ADGRB3: variants seen among roughly 807,000 people sequenced by gnomAD.
ADGRB3 encodes the protein brain-specific angiogenesis inhibitor 3.
In ADGRB3, 37 loss-of-function variants were observed where a neutral mutation model predicts 193.4. The observed-to-expected ratio is 0.19, with a 90% CI of 0.15 to 0.25. ADGRB3 has a LOEUF of 0.25. ADGRB3 is among the 10% of genes least tolerant of loss of function. The pLI, the probability that ADGRB3 is intolerant of heterozygous loss-of-function variation, is 1.00. For synonymous variants in ADGRB3, 690 were observed against 644.2 expected (o/e 1.07, Z -1.08); for missense variants, 1,637 against 1,852.9 (o/e 0.88, Z 2.14).
chr6:68,709,084 T>A (rs2127314937), intron 3 of ADGRB3, among the ~76,000 whole-genome samples: 1 of 152,348 alleles, frequency 6.6e-6, no homozygotes, highest in South Asian at 2.1e-4. Context: ...AACCTTTTAC[T>A]GCATTAACTG....
At chr6:69,063,390 G>A (rs902191954) in intron 16 of ADGRB3, among the ~76,000 whole-genome samples, 1 of 151,954 alleles carries the variant, frequency 6.6e-6, no homozygotes, top group South Asian at 2.1e-4. Flanking sequence ...GAGAAGATGA[G>A]GTGAGTAAAA....
intron 20 of ADGRB3, among the ~76,000 whole-genome samples, chr6:69,322,232 T>C (rs1211443301): frequency 6.6e-6 from 1 of 152,030 alleles, no homozygotes; most frequent in African/African-American, 2.4e-5. Context: ...ATGTACCATA[T>C]TTTCTTTATT....
chr6:68,877,798 T>C (rs1765633517), intron 3 of ADGRB3, among the ~76,000 whole-genome samples: 1 of 152,146 alleles, frequency 6.6e-6, no homozygotes, highest in African/African-American at 2.4e-5. Context: ...TCTTAGTTGC[T>C]AACTAGAATA....
chr6:69,276,484 A>G (rs1767305527), intron 20 of ADGRB3, among the ~76,000 whole-genome samples: 1 of 152,220 alleles, frequency 6.6e-6, no homozygotes, highest in African/African-American at 2.4e-5. Flanking sequence ...GGGAGGAAGG[A>G]AATCCCTGCA....
chr6:69,238,531 TAAAG>T (rs754903946), intron 19 of ADGRB3, among the ~76,000 whole-genome samples: 5 of 152,052 alleles, frequency 3.3e-5, no homozygotes, highest in Non-Finnish European at 5.9e-5. Context: ...TTTTTAGAAA[TAAAG>T]ATTCATTTTT....
At chr6:69,272,345 G>A (rs1397153413) in intron 20 of ADGRB3, among the ~76,000 whole-genome samples, 1 of 152,162 alleles carries the variant, frequency 6.6e-6, no homozygotes, top group Non-Finnish European at 1.5e-5. Flanking sequence ...CAGTGTCGTG[G>A]TTATTGTCCA....
chr6:68,723,211 A>G (rs1410769970), intron 3 of ADGRB3, among the ~76,000 whole-genome samples: 2 of 151,728 alleles, frequency 1.3e-5, no homozygotes, highest in Admixed American at 1.3e-4. Context: ...TGCCACATGG[A>G]GTCAGTTCTT....
chr6:68,657,675 A>G (rs1172521932), intron 3 of ADGRB3, among the ~76,000 whole-genome samples: 1 of 151,428 alleles, frequency 6.6e-6, no homozygotes, highest in Non-Finnish European at 1.5e-5. Flanking sequence ...TCAACTTGTA[A>G]AGGGTTTTAT....
intron 22 of ADGRB3, 148 bp from the exon 23 acceptor site, chr6:69,330,358 T>G (rs544962625): frequency 2.1e-6 from 1 of 468,066 alleles, no homozygotes; most frequent in Non-Finnish European, 3.7e-6. Flanking sequence ...AGTTTTTTTC[T>G]ACATCTTCTA....
intron 3 of ADGRB3, among the ~76,000 whole-genome samples, chr6:68,854,127 C>G (rs1764884271): frequency 6.6e-6 from 1 of 152,144 alleles, no homozygotes; most frequent in African/African-American, 2.4e-5. Flanking sequence ...ATCAAAGGCT[C>G]TATGTGCACA....
intron 3 of ADGRB3, among the ~76,000 whole-genome samples, chr6:68,639,761 A>G (rs1239896596): frequency 6.6e-6 from 1 of 152,064 alleles, no homozygotes; most frequent in Non-Finnish European, 1.5e-5. Context: ...GCAGCCCCTC[A>G]TGGTGACACA....
At chr6:69,006,380 GA>G (rs905280906) in intron 11 of ADGRB3, among the ~76,000 whole-genome samples, 3 of 151,366 alleles carry the variant, frequency 2.0e-5, no homozygotes, top group African/African-American at 7.3e-5. Flanking sequence ...GTTTTTAATG[GA>G]AAAAAAACCC....
chr6:68,951,210 A>G (rs1435963615), intron 6 of ADGRB3, among the ~76,000 whole-genome samples: 1 of 152,208 alleles, frequency 6.6e-6, no homozygotes, highest in African/African-American at 2.4e-5. Flanking sequence ...TTTATTTTAC[A>G]GTCCTCAGCC....
intron 3 of ADGRB3, among the ~76,000 whole-genome samples, chr6:68,916,883 TAA>T (rs1562085069): frequency 6.6e-6 from 1 of 152,154 alleles, no homozygotes; most frequent in Non-Finnish European, 1.5e-5. Flanking sequence ...CGAGACAGGG[TAA>T]AGAGTTTGGA....
At position 69,276,303 on chromosome 6, in the gene ADGRB3, T is replaced by C. The variant is rs568269813; in HGVS notation, c.2814+37077T>C. Among the ~76,000 whole-genome samples the C allele has an allele frequency of 1.5e-3, 233 of 152,282 alleles. 3 individuals are homozygous for C. Among genetic ancestry groups the C allele is most frequent in the African/African-American group, 5.2e-3 (218 of 41,574 alleles). On this transcript the variant is annotated intron_variant, in intron 20 of 31. Transcript: ENST00000370598. ...ACAAATGACATTTAGTATCCAGATA[T>C]CAGCAAAAGGCCAAATAGAGAAGAA...
At chr6:68,664,967 C>G (rs1768764165) in intron 3 of ADGRB3, among the ~76,000 whole-genome samples, 1 of 151,794 alleles carries the variant, frequency 6.6e-6, no homozygotes, top group Admixed American at 6.6e-5. Flanking sequence ...GAGCTCATCT[C>G]TCAGTTTTTG....
intron 11 of ADGRB3, among the ~76,000 whole-genome samples, chr6:68,999,665 T>C (rs1416398803): frequency 6.6e-6 from 1 of 152,196 alleles, no homozygotes; most frequent in Non-Finnish European, 1.5e-5. Context: ...CCCAGGCAGA[T>C]TAAATTTTTT....
intron 20 of ADGRB3, among the ~76,000 whole-genome samples, chr6:69,282,236 T>A (rs1027635465): frequency 6.6e-6 from 1 of 152,064 alleles, no homozygotes; most frequent in African/African-American, 2.4e-5. Flanking sequence ...TACATAGAAA[T>A]CCACCCACCG....
At chr6:69,205,573 G>A (rs573044116) in intron 17 of ADGRB3, among the ~76,000 whole-genome samples, 25 of 152,152 alleles carry the variant, frequency 1.6e-4, no homozygotes, top group South Asian at 8.3e-4. Context: ...CTGGAGGCTG[G>A]GAATTTCAAG....
Sources: gnomAD v4.1 joint callset for allele counts (sites outside exome capture counted in the v4.1 genomes callset) on GRCh38, gnomAD v4.1.1 for gene constraint, MANE v1.5 for transcripts, NCBI Gene and HGNC (gene_info 2026-07-23, HGNC 2026-07-21) for gene names.